Variants in PGK1 observed in about 807,000 individuals in gnomAD.
PGK1 encodes phosphoglycerate kinase 1, also known as PRP 2.
In PGK1, 3 loss-of-function variants were observed where a neutral mutation model predicts 26.9. That is an observed-to-expected ratio of 0.11 (90% CI 0.05 to 0.29). PGK1 has a LOEUF of 0.29. Among genes scored for constraint, PGK1 ranks in the 10% least tolerant of loss-of-function variants. The pLI is 1.00. For synonymous variants in PGK1, 125 were observed against 115.3 expected, an observed-to-expected ratio of 1.08 and a Z score of -0.54; for missense variants, 270 against 314.7, an observed-to-expected ratio of 0.86 and a Z score of 1.07.
chrX:78,119,807 A>G (rs921014837), intron 6 of PGK1, among the ~76,000 whole-genome samples: 21 of 112,143 alleles, frequency 1.9e-4, no homozygotes, highest in Admixed American at 1.0e-3. Flanking sequence ...ACTGTGAGTC[A>G]ATTTAACCTT....
intron 2 of PGK1, among the ~76,000 whole-genome samples, chrX:78,111,304 C>G (rs868933403): frequency 1.1e-4 from 12 of 111,270 alleles, no homozygotes; most frequent in South Asian, 7.4e-4. Flanking sequence ...CCCAAGCTGG[C>G]CTTGAGCTCC....
At chrX:78,113,944 G>A (rs1557247160) in intron 3 of PGK1, 45 bp downstream of exon 3, 1 of 1,206,993 alleles carries the variant, frequency 8.3e-7, no homozygotes. Flanking sequence ...GGCGGGGGAA[G>A]TTGTCAAGCA....
chrX:78,111,008 A>G (rs2078298320), intron 2 of PGK1, among the ~76,000 whole-genome samples: 1 of 109,489 alleles, frequency 9.1e-6, no homozygotes, highest in South Asian at 3.8e-4. Flanking sequence ...TATGGGTTAC[A>G]TGAGATATTT....
At chrX:78,123,644 G>A (rs1454921735) in intron 8 of PGK1, among the ~76,000 whole-genome samples, 14 of 102,723 alleles carry the variant, frequency 1.4e-4, no homozygotes, top group African/African-American at 4.3e-4. Context: ...GAGTCTCGCT[G>A]TGTCACCAGG....
rs187714418 is a variant in PGK1, at chrX:78,125,364, C to T, written c.1152C>T (p.Asn384=). 51 of 1,206,446 alleles carry T rather than the reference C, an allele frequency of 4.2e-5. No homozygotes were observed. The Middle Eastern group carries it at 1.2e-3, about 27-fold the overall frequency. The change falls in exon 10 of 11, where the codon AAC becomes AAT. Residue 384 remains asparagine, a synonymous_variant. Coordinates refer to ENST00000373316, the MANE Select transcript of PGK1 (RefSeq NM_000291.4). ...GDTATCCAKW[N]TEDKVSHVST... ...CTGCCACTTGCTGTGCCAAATGGAA[C>T]ACGGAGGATAAAGTCAGCCATGTGA...
At chrX:78,104,662 T>A (rs781826942) in intron 1 of PGK1, among the ~76,000 whole-genome samples, 1 of 111,367 alleles carries the variant, frequency 9.0e-6, no homozygotes, top group Non-Finnish European at 1.9e-5. Context: ...GGGACCCATT[T>A]TGTCCTTTTT....
Position 78,127,387 on chromosome X carries a change from C to A in PGK1, c.*1557C>A, listed in dbSNP as rs1282122247. On this transcript the variant is annotated 3_prime_UTR_variant, in exon 11 of 11. Coordinates refer to ENST00000373316, the MANE Select transcript of PGK1 (RefSeq NM_000291.4). ...TCTTTATAATTTTACCTTCCTATTT[C>A]TTTCCTGTCCTTTTAATGGAGTTTT... 1 of 112,340 alleles carries A rather than the reference C, an allele frequency of 8.9e-6. No individual in the cohort carries two copies. Among genetic ancestry groups the A allele is most frequent in the Non-Finnish European group, 1.9e-5 (1 of 53,293 alleles). The allele number at this position is 112,340 out of a possible 1,213,427, so 9.3% of individuals were successfully genotyped here. A position where few individuals can be genotyped will look rare whatever the true frequency, so the allele number is the denominator to read the frequency against.
At chrX:78,124,054 T>C (rs2078370679) in intron 8 of PGK1, among the ~76,000 whole-genome samples, 1 of 111,787 alleles carries the variant, frequency 8.9e-6, no homozygotes, top group African/African-American at 3.3e-5. Context: ...AACTTTCTCA[T>C]ATGAAAAAAT....
At position 78,104,269 on chromosome X, in the gene PGK1, C is replaced by A; in HGVS notation, c.-72C>A. ...CGGTGTTCCGCATTCTGCAAGCCTC[C>A]GGAGCGCACGTCGGCAGTCGGCTCC... On this transcript the variant is annotated 5_prime_UTR_variant, in exon 1 of 11. Coordinates refer to ENST00000373316, the MANE Select transcript of PGK1 (RefSeq NM_000291.4). The A allele has an allele frequency of 2.5e-6, 2 of 799,599 alleles. No individual in the cohort carries two copies. The highest frequency in any genetic ancestry group is 1.9e-6 in the Non-Finnish European group (1 of 524,925). The allele number at this position is 799,599 out of a possible 1,213,427, so 65.9% of individuals were successfully genotyped here.
At chrX:78,104,516 C>T (rs2078259030) in intron 1 of PGK1, 111 bp downstream of exon 1, 1 of 625,182 alleles carries the variant, frequency 1.6e-6, no homozygotes, top group Non-Finnish European at 2.6e-6. Context: ...TTGGCTGGGC[C>T]CCAGGGGTCC....
At chrX:78,107,006 A>T (rs1359972592) in intron 1 of PGK1, among the ~76,000 whole-genome samples, 3 of 111,333 alleles carry the variant, frequency 2.7e-5, no homozygotes, top group Admixed American at 9.6e-5. Flanking sequence ...CCAGTTTTCC[A>T]TCTGGGGCAG....
intron 2 of PGK1, among the ~76,000 whole-genome samples, chrX:78,113,210 A>C (rs2078309420): frequency 9.0e-6 from 1 of 111,104 alleles, no homozygotes; most frequent in African/African-American, 3.3e-5. Flanking sequence ...TAGGAAGATG[A>C]CCTAAGCCCC....
chrX:78,104,733 G>C (rs1464387109), intron 1 of PGK1, among the ~76,000 whole-genome samples: 5 of 111,654 alleles, frequency 4.5e-5, no homozygotes, highest in Non-Finnish European at 7.5e-5. Flanking sequence ...GGGACTTAAT[G>C]CTTATCCTGC....
At chrX:78,115,807 G>C (rs1557247409) in intron 4 of PGK1, among the ~76,000 whole-genome samples, 1 of 111,860 alleles carries the variant, frequency 8.9e-6, no homozygotes, top group African/African-American at 3.3e-5. Flanking sequence ...TTATTTCCAT[G>C]GCACCTTTTT....
At chrX:78,104,468 C>T in intron 1 of PGK1, 63 bp downstream of exon 1, 1 of 881,585 alleles carries the variant, frequency 1.1e-6, no homozygotes, top group Non-Finnish European at 1.7e-6. Flanking sequence ...TGGCCGGAGC[C>T]GACTTGTTCT....
chrX:78,105,706 C>T (rs782189399), intron 1 of PGK1, among the ~76,000 whole-genome samples: 8 of 111,562 alleles, frequency 7.2e-5, no homozygotes, highest in Non-Finnish European at 1.1e-4. Context: ...TGCAGGTAAC[C>T]GCTGCCCTGC....
At chrX:78,119,095 T>TATATAACCTGGCAGGGTATAACC (rs1557247758) in intron 6 of PGK1, among the ~76,000 whole-genome samples, 7 of 111,336 alleles carry the variant, frequency 6.3e-5, no homozygotes, top group Non-Finnish European at 1.1e-4. Context: ...AGGGTATAAC[T>TATATAACCTGGCAGGGTATAACC]ATATAACCTG....
Position 78,104,253 on chromosome X carries a change from G to T in PGK1, c.-88G>T, listed in dbSNP as rs1377359866. 1.4e-6 allele frequency: 1 copy of T among 703,865 alleles called. No individual in the cohort carries two copies. The highest frequency in any genetic ancestry group is 3.3e-5 in the East Asian group (1 of 30,502). The allele number at this position is 703,865 out of a possible 1,213,427, so 58.0% of individuals were successfully genotyped here. A position where few individuals can be genotyped will look rare whatever the true frequency, so the allele number is the denominator to read the frequency against. The stretch of plus-strand genomic sequence containing the variant: ...CCTGTTCCTGCCCGCGCGGTGTTCC[G>T]CATTCTGCAAGCCTCCGGAGCGCAC... On this transcript the variant is annotated 5_prime_UTR_variant, in exon 1 of 11. Transcript: ENST00000373316.
At chrX:78,122,357 C>T (rs781972010) in intron 6 of PGK1, among the ~76,000 whole-genome samples, 6 of 108,834 alleles carry the variant, frequency 5.5e-5, no homozygotes, top group African/African-American at 2.0e-4. Context: ...CTCTGGGATC[C>T]CACAATTAGC....
Sources: allele counts gnomAD v4.1 joint callset (sites outside exome capture counted in the v4.1 genomes callset), GRCh38; gene constraint gnomAD v4.1.1; transcripts MANE v1.5; gene names NCBI Gene and HGNC (gene_info 2026-07-23, HGNC 2026-07-21).